ELMO1: variants seen among roughly 807,000 people sequenced by gnomAD.
ELMO1 encodes engulfment and cell motility protein 1.
In ELMO1, 26 loss-of-function variants were observed where a neutral mutation model predicts 98.9. The ratio of observed to expected loss-of-function variants is 0.26; its 90% CI spans 0.19 to 0.36. The LOEUF (loss-of-function observed/expected upper bound fraction) is 0.36, where lower values mean the gene tolerates loss of function less well. Among genes scored for constraint, ELMO1 ranks in the 10% least tolerant of loss-of-function variants. The pLI is 1.00. For missense variants in ELMO1, 627 were observed against 935.2 expected (o/e 0.67, Z 4.30); for synonymous variants, 346 against 346.0 (o/e 1.00, Z 0.00).
chr7:37,208,293 C>G (rs993392206), intron 13 of ELMO1, among the ~76,000 whole-genome samples: 3 of 152,170 alleles, frequency 2.0e-5, no homozygotes, highest in African/African-American at 7.2e-5. Flanking sequence ...CATGCCCAAA[C>G]AGGTTAAATG....
At chr7:36,909,470 T>C (rs982762483) in intron 16 of ELMO1, among the ~76,000 whole-genome samples, 1 of 152,210 alleles carries the variant, frequency 6.6e-6, no homozygotes, top group African/African-American at 2.4e-5. Context: ...CTACAATGAA[T>C]GCCCAAGGAA....
At chr7:36,879,089 A>G (rs890680784) in intron 18 of ELMO1, among the ~76,000 whole-genome samples, 1 of 152,326 alleles carries the variant, frequency 6.6e-6, no homozygotes, top group Non-Finnish European at 1.5e-5. Context: ...ATTATCTGCT[A>G]CAGACCCTAG....
intron 16 of ELMO1, among the ~76,000 whole-genome samples, chr7:36,969,443 T>C (rs560476182): frequency 2.6e-5 from 4 of 152,330 alleles, no homozygotes; most frequent in African/African-American, 7.2e-5. Context: ...TTCATGATAT[T>C]GTATATTGTT....
chr7:37,240,189 C>T (rs1161891277), intron 7 of ELMO1, among the ~76,000 whole-genome samples: 2 of 151,938 alleles, frequency 1.3e-5, no homozygotes, highest in African/African-American at 2.4e-5. Flanking sequence ...AGCCACAAGG[C>T]GTCACACCCA....
At chr7:37,375,761 G>A in intron 1 of ELMO1, 1 of 1,097,254 alleles carries the variant, frequency 9.1e-7, no homozygotes, top group Non-Finnish European at 1.4e-6. Flanking sequence ...CAGTATCTCA[G>A]TGATTACCTT....
intron 13 of ELMO1, among the ~76,000 whole-genome samples, chr7:37,207,927 C>T (rs1163662603): frequency 6.6e-6 from 1 of 152,190 alleles, no homozygotes; most frequent in Non-Finnish European, 1.5e-5. Context: ...AGCCACTCAG[C>T]CACCTAGATT....
chr7:36,979,418 T>G (rs891876187), intron 16 of ELMO1, among the ~76,000 whole-genome samples: 1 of 152,194 alleles, frequency 6.6e-6, no homozygotes, highest in Non-Finnish European at 1.5e-5. Context: ...CTCTACCCAG[T>G]TCTCAGAAAA....
At chr7:37,093,084 G>C (rs897429729) in intron 15 of ELMO1, among the ~76,000 whole-genome samples, 9 of 151,930 alleles carry the variant, frequency 5.9e-5, no homozygotes, top group African/African-American at 1.9e-4. Context: ...AAAGTGCTCT[G>C]AGAATGTAAA....
chr7:37,202,391 T>C (rs573778923), intron 13 of ELMO1, among the ~76,000 whole-genome samples: 1 of 152,342 alleles, frequency 6.6e-6, no homozygotes, highest in South Asian at 2.1e-4. Flanking sequence ...TTCTAGATTC[T>C]TACTAATGCT....
chr7:37,440,383 A>G (rs552492154), intron 1 of ELMO1, among the ~76,000 whole-genome samples: 1 of 151,864 alleles, frequency 6.6e-6, no homozygotes, highest in East Asian at 1.9e-4. Flanking sequence ...CAGAGGTTAC[A>G]GTGAGCCACG....
intron 14 of ELMO1, among the ~76,000 whole-genome samples, chr7:37,105,031 G>A (rs1357321730): frequency 6.6e-6 from 1 of 152,200 alleles, no homozygotes; most frequent in Non-Finnish European, 1.5e-5. Flanking sequence ...AATTGACTGG[G>A]TAATGGTATA....
chr7:37,428,676 A>G (rs1804807806), intron 1 of ELMO1, among the ~76,000 whole-genome samples: 1 of 152,258 alleles, frequency 6.6e-6, no homozygotes, highest in Non-Finnish European at 1.5e-5. Flanking sequence ...AGATGAAAGA[A>G]GAGCAATCCT....
intron 15 of ELMO1, among the ~76,000 whole-genome samples, chr7:37,059,419 G>C (rs942687434): frequency 6.6e-6 from 1 of 152,138 alleles, no homozygotes; most frequent in African/African-American, 2.4e-5. Flanking sequence ...TATTATGTGC[G>C]TCAATCTTCT....
At chr7:36,890,628 T>C (rs1805470070) in intron 17 of ELMO1, among the ~76,000 whole-genome samples, 2 of 152,106 alleles carry the variant, frequency 1.3e-5, no homozygotes, top group Admixed American at 6.5e-5. Flanking sequence ...TCAAAATGGA[T>C]CTCATTTTCA....
At chr7:37,197,616 C>A (rs1010973027) in intron 13 of ELMO1, among the ~76,000 whole-genome samples, 1 of 152,156 alleles carries the variant, frequency 6.6e-6, no homozygotes, top group East Asian at 1.9e-4. Context: ...GCTAGCTTTG[C>A]GTGGAGCTGA....
At chr7:36,872,215 T>C (rs958538997) in intron 19 of ELMO1, among the ~76,000 whole-genome samples, 1 of 152,128 alleles carries the variant, frequency 6.6e-6, no homozygotes, top group African/African-American at 2.4e-5. Flanking sequence ...ACCTGTTCCA[T>C]CCAGATGTCA....
chr7:37,182,255 TAG>T (rs1382234459), intron 13 of ELMO1, among the ~76,000 whole-genome samples: 2 of 152,038 alleles, frequency 1.3e-5, no homozygotes, highest in Non-Finnish European at 2.9e-5. Context: ...GTAACATCGG[TAG>T]AGTTTTATAC....
chr7:36,955,566 T>A (rs748203845), intron 16 of ELMO1, among the ~76,000 whole-genome samples: 2 of 152,230 alleles, frequency 1.3e-5, no homozygotes, highest in Non-Finnish European at 2.9e-5. Context: ...CAAATAAATA[T>A]GAGTGTTCTC....
At position 37,440,097 on chromosome 7, in the gene ELMO1, T is replaced by C. The variant is rs142173247; in HGVS notation, c.-74+8578A>G. Among the ~76,000 whole-genome samples the C allele has an allele frequency of 4.8e-3, 730 of 152,116 alleles. 30 individuals are homozygous for C. Among genetic ancestry groups the C allele is most frequent in the Admixed American group, 0.045 (683 of 15,258 alleles). The stretch of plus-strand genomic sequence containing the variant: ...CCAAACCAAAATTTCTGAGTAGTGG[T>C]CACTTCCCAGAGTGGCCCACAATTG... On this transcript the variant is annotated intron_variant, in intron 1 of 21. Transcript: ENST00000310758.
Sources: gnomAD v4.1 joint callset for allele counts (sites outside exome capture counted in the v4.1 genomes callset) on GRCh38, gnomAD v4.1.1 for gene constraint, MANE v1.5 for transcripts, NCBI Gene and HGNC (gene_info 2026-07-23, HGNC 2026-07-21) for gene names.